NEK7: variants seen among roughly 807,000 people sequenced by gnomAD.
NEK7 encodes the protein serine/threonine-protein kinase Nek7.
In NEK7, 18 loss-of-function variants were observed where a neutral mutation model predicts 44.6. That is an observed-to-expected ratio of 0.40 (90% CI 0.28 to 0.60). The LOEUF is 0.60. Among genes scored for constraint, NEK7 ranks in the 20% least tolerant of loss-of-function variants. The pLI is 0.38. For missense variants in NEK7, 256 were observed against 366.5 expected, an observed-to-expected ratio of 0.70 and a Z score of 2.46; for synonymous variants, 130 against 121.1, an observed-to-expected ratio of 1.07 and a Z score of -0.48.
chr1:198,266,230 A>G (rs1045520498), intron 5 of NEK7, among the ~76,000 whole-genome samples: 1 of 152,272 alleles, frequency 6.6e-6, no homozygotes, highest in East Asian at 1.9e-4. Context: ...AACTATATCT[A>G]TACATACTCT....
At chr1:198,311,704 T>C (rs1165968658) in intron 9 of NEK7, among the ~76,000 whole-genome samples, 1 of 152,200 alleles carries the variant, frequency 6.6e-6, no homozygotes, top group Non-Finnish European at 1.5e-5. Flanking sequence ...ATCATGTGGT[T>C]TTTCTGTTTG....
chr1:198,211,353 G>A (rs992065393), intron 1 of NEK7, among the ~76,000 whole-genome samples: 7 of 152,214 alleles, frequency 4.6e-5, no homozygotes, highest in Admixed American at 4.6e-4. Context: ...AGTTATCATT[G>A]TTACAAAAGA....
At chr1:198,246,539 T>C (rs1393023438) in intron 2 of NEK7, among the ~76,000 whole-genome samples, 1 of 152,254 alleles carries the variant, frequency 6.6e-6, no homozygotes, top group Non-Finnish European at 1.5e-5. Context: ...CCTCTGGCCC[T>C]CTTTCGCCAC....
At chr1:198,202,343 C>T (rs988539412) in intron 1 of NEK7, among the ~76,000 whole-genome samples, 4 of 152,144 alleles carry the variant, frequency 2.6e-5, no homozygotes, top group Admixed American at 2.0e-4. Context: ...TTAGCAATCC[C>T]CTGTCAATCA....
chr1:198,157,758 C>G (rs1026240859), intron 1 of NEK7, among the ~76,000 whole-genome samples: 1 of 152,044 alleles, frequency 6.6e-6, no homozygotes, highest in Non-Finnish European at 1.5e-5. Flanking sequence ...TGGTGGGAGC[C>G]GGCAGATAGG....
At chr1:198,278,598 A>AT (rs1654094065) in intron 6 of NEK7, among the ~76,000 whole-genome samples, 1 of 151,876 alleles carries the variant, frequency 6.6e-6, no homozygotes, top group African/African-American at 2.4e-5. Context: ...ATGCAAATCT[A>AT]CCAGTAAGTT....
intron 5 of NEK7, among the ~76,000 whole-genome samples, chr1:198,270,136 A>G (rs1653789957): frequency 6.6e-6 from 1 of 151,982 alleles, no homozygotes; most frequent in African/African-American, 2.4e-5. Context: ...TATAAATAAG[A>G]GGATTTTAAA....
intron 9 of NEK7, among the ~76,000 whole-genome samples, chr1:198,314,091 C>T (rs370992729): frequency 6.6e-6 from 1 of 152,104 alleles, no homozygotes; most frequent in Non-Finnish European, 1.5e-5. Context: ...AGATTTGGTC[C>T]TTTCACATAG....
Position 198,254,681 on chromosome 1 carries a change from T to C in NEK7, c.198+1501T>C, listed in dbSNP as rs141998266. Among the ~76,000 whole-genome samples, 415 of 152,322 alleles carry C rather than the reference T, an allele frequency of 2.7e-3. 2 individuals carry two copies. Among genetic ancestry groups the C allele is most frequent in the African/African-American group, 7.0e-3 (293 of 41,580 alleles). ...CATACAAGAATTTCTCTCTTGTTTGTGCTTAAGAGTGGAAATGACTGCATC... is the reference window on the plus strand; with the variant it reads ...CATACAAGAATTTCTCTCTTGTTTGCGCTTAAGAGTGGAAATGACTGCATC... On this transcript the variant is annotated intron_variant, in intron 3 of 9. Coordinates refer to ENST00000367385, the MANE Select transcript of NEK7 (RefSeq NM_133494.3).
chr1:198,161,557 T>C (rs536309730), intron 1 of NEK7, among the ~76,000 whole-genome samples: 117 of 152,336 alleles, frequency 7.7e-4, no homozygotes, highest in Non-Finnish European at 1.2e-3. Context: ...TTTTTGTGCT[T>C]AGACTCTTGT....
intron 1 of NEK7, among the ~76,000 whole-genome samples, chr1:198,178,224 C>G (rs115242595): frequency 0.013 from 1,922 of 152,024 alleles, 53 homozygotes; most frequent in African/African-American, 0.044. Flanking sequence ...AGAGAAAGAA[C>G]AACTTTATAA....
intron 2 of NEK7, among the ~76,000 whole-genome samples, chr1:198,235,368 C>T (rs537863249): frequency 6.6e-6 from 1 of 152,184 alleles, no homozygotes; most frequent in South Asian, 2.1e-4. Context: ...TCCACTCCTT[C>T]CCACCCTCCC....
intron 3 of NEK7, among the ~76,000 whole-genome samples, chr1:198,256,099 GA>G (rs540925723): frequency 1.4e-4 from 22 of 152,210 alleles, no homozygotes; most frequent in Admixed American, 3.3e-4. Flanking sequence ...CTTGTCTCAA[GA>G]ACTGTATTAC....
chr1:198,158,836 G>C (rs1441096109), intron 1 of NEK7, among the ~76,000 whole-genome samples: 2 of 152,120 alleles, frequency 1.3e-5, no homozygotes, highest in African/African-American at 2.4e-5. Flanking sequence ...TTCACTCTTA[G>C]AACAGCGGCA....
chr1:198,270,266 T>C (rs1307312305), intron 5 of NEK7, among the ~76,000 whole-genome samples: 1 of 151,956 alleles, frequency 6.6e-6, no homozygotes, highest in Non-Finnish European at 1.5e-5. Context: ...AACTACCTAT[T>C]TGAATTAATA....
At position 198,167,761 on chromosome 1, in the gene NEK7, C is replaced by T. The variant is rs906187448; in HGVS notation, c.-29+10485C>T. 4.6e-5 allele frequency among the ~76,000 whole-genome samples: 7 copies of T among 152,148 alleles called. No individual in the cohort carries two copies. The South Asian group carries it at 1.4e-3, about 32-fold the overall frequency. ...TAGTTCTCTATCTTGTTTCACAGCT[C>T]GACTGCACCAGACTTTTCTGTCTTG... is the stretch of plus-strand genomic sequence containing the variant. On this transcript the variant is annotated intron_variant, in intron 1 of 9. Coordinates refer to ENST00000367385, the MANE Select transcript of NEK7 (RefSeq NM_133494.3).
At chr1:198,158,138 G>A (rs979516645) in intron 1 of NEK7, among the ~76,000 whole-genome samples, 1 of 152,174 alleles carries the variant, frequency 6.6e-6, no homozygotes, top group African/African-American at 2.4e-5. Flanking sequence ...TACTGGGGTC[G>A]CGGAGAGATG....
At chr1:198,218,358 G>T (rs1314282309) in intron 1 of NEK7, among the ~76,000 whole-genome samples, 1 of 151,998 alleles carries the variant, frequency 6.6e-6, no homozygotes, top group Non-Finnish European at 1.5e-5. Context: ...GGGAAAATTG[G>T]ATAGCCACAT....
At chr1:198,246,171 C>T (rs769024229) in intron 2 of NEK7, among the ~76,000 whole-genome samples, 13 of 152,166 alleles carry the variant, frequency 8.5e-5, no homozygotes, top group Non-Finnish European at 1.5e-4. Context: ...GATATATTAC[C>T]TGCCTGATGA....
Sources: allele counts gnomAD v4.1 joint callset (sites outside exome capture counted in the v4.1 genomes callset), GRCh38; gene constraint gnomAD v4.1.1; transcripts MANE v1.5; gene names NCBI Gene and HGNC (gene_info 2026-07-23, HGNC 2026-07-21).